The following CEP290 variants were observed in gnomAD, a reference collection of about 807,000 sequenced individuals.
CEP290 encodes centrosomal protein of 290 kDa.
A neutral mutation model predicts 344.9 loss-of-function variants in CEP290; 317 were observed. The ratio of observed to expected loss-of-function variants is 0.92; its 90% CI spans 0.84 to 1.01. CEP290 has a LOEUF of 1.01. CEP290 is among the 50% of genes least tolerant of loss of function. The pLI is 0.00. For missense variants in CEP290, 2,754 were observed against 2,761.4 expected (o/e 1.00, Z 0.06); for synonymous variants, 932 against 895.8 (o/e 1.04, Z -0.72).
intron 35 of CEP290, 70 bp from the exon 36 acceptor site, chr12:88,084,024 T>C: frequency 1.0e-6 from 1 of 956,758 alleles, no homozygotes; most frequent in Non-Finnish European, 1.6e-6. Flanking sequence ...GAAGACCTTA[T>C]ATATTTTCTC....
intron 52 of CEP290, among the ~76,000 whole-genome samples, chr12:88,053,157 T>C (rs2033703598): frequency 6.6e-6 from 1 of 152,174 alleles, no homozygotes; most frequent in African/African-American, 2.4e-5. Context: ...ATGTGTGATA[T>C]ATATGTATAC....
rs1280602204 is a variant in CEP290 at position 88,090,833 on chromosome 12, T to A, written c.3468A>T (p.Arg1156Ser). ...MELKVEVSKLREISDIARRQV... is the reference protein window; with the variant it reads ...MELKVEVSKLSEISDIARRQV... The stretch of plus-strand genomic sequence containing the variant: ...GTCTTCTGGCAATATCAGAAATCTC[T>A]CTCAGTCTAGGAAATGATAAGGTAT... Residue 1156 changes from arginine (R) to serine (S), a missense_variant, in exon 30 of 54, where the codon AGA becomes AGT. Arg to Ser is a moderately radical substitution (Grantham distance 110, BLOSUM62 -1). Coordinates refer to ENST00000552810, the MANE Select transcript of CEP290 (RefSeq NM_025114.4). The A allele has an allele frequency of 1.3e-6, 2 of 1,544,082 alleles. No homozygotes were observed. The highest frequency in any genetic ancestry group is 3.9e-5 in the Admixed American group (2 of 51,182).
Position 88,049,179 on chromosome 12 carries a change from G to A in CEP290, c.*5C>T. ...GTTAAATGAAACAAAGTTTATAGGTGACCTTTAGTAAATGGGGAAATTAAC... is the reference window on the plus strand; with the variant it reads ...GTTAAATGAAACAAAGTTTATAGGTAACCTTTAGTAAATGGGGAAATTAAC... On this transcript the variant is annotated 3_prime_UTR_variant, in exon 54 of 54. Coordinates refer to ENST00000552810, the MANE Select transcript of CEP290 (RefSeq NM_025114.4). The A allele has an allele frequency of 6.5e-7, 1 of 1,532,834 alleles. No individual in the cohort carries two copies. Among genetic ancestry groups the A allele is most frequent in the Non-Finnish European group, 8.9e-7 (1 of 1,124,816 alleles). The allele number at this position is 1,532,834 out of a possible 1,614,324, so 95.0% of individuals were successfully genotyped here. A position where few individuals can be genotyped will look rare whatever the true frequency, so the allele number is the denominator to read the frequency against.
At position 88,071,278 on chromosome 12, in the gene CEP290, CCA is replaced by C. The variant is rs1565811649; in HGVS notation, c.6011+14_6011+15del. On this transcript the variant is annotated intron_variant, in intron 43 of 53. Transcript: ENST00000552810. Reference sequence around the variant, plus strand: ...TTTCATTACAATGGGTGGCACATTTCCACATAATAGCTTACCTCATATACAAT... The same window carrying C: ...TTTCATTACAATGGGTGGCACATTTCCATAATAGCTTACCTCATATACAAT... The C allele has an allele frequency of 2.5e-6, 4 of 1,589,062 alleles. No homozygotes were observed. The highest frequency in any genetic ancestry group is 3.4e-6 in the Non-Finnish European group (4 of 1,163,268).
In CEP290 at chr12:88,120,086, A is replaced by G. The variant is rs1482241037; in HGVS notation, c.1522+28T>C. The G allele has an allele frequency of 3.6e-6, 5 of 1,397,246 alleles. No individual in the cohort carries two copies. The Admixed American group carries it at 1.5e-4, about 42-fold the overall frequency. 86.6% of individuals were successfully genotyped at this position (1,397,246 alleles called of 1,614,324 possible). On this transcript the variant is annotated intron_variant, in intron 15 of 53. Coordinates refer to ENST00000552810, the MANE Select transcript of CEP290 (RefSeq NM_025114.4). Reference sequence around the variant, plus strand: ...AAAAGACTTGTAAATCAGGTTGCGCAAACTATGTAACTTAAAACATGGCTT... The same window carrying G: ...AAAAGACTTGTAAATCAGGTTGCGCGAACTATGTAACTTAAAACATGGCTT...
chr12:88,083,343 T>C (rs1280505984), intron 36 of CEP290, 113 bp from the exon 37 acceptor site: 2 of 585,338 alleles, frequency 3.4e-6, no homozygotes, highest in Admixed American at 4.2e-5. Flanking sequence ...ATCTAAAATG[T>C]AATGATTTAA....
chr12:88,068,591 A>C lies in CEP290; in HGVS notation c.6066T>G (p.Asn2022Lys), dbSNP rs775838235. 6.3e-7 allele frequency: 1 copy of C among 1,591,520 alleles called. No individual in the cohort carries two copies. Among genetic ancestry groups the C allele is most frequent in the Non-Finnish European group, 8.5e-7 (1 of 1,171,970 alleles). ...DSVVEDLHLQ[N>K]RYLQEKLHAL... ...CATGAAGTTTTTCTTGGAGGTATCT[A>C]TTTTGTAAATGTAAATCTTCTACAA... The change falls in exon 44 of 54, where the codon AAT becomes AAG. Residue 2022 changes from asparagine (N) to lysine (K), a missense_variant. By Grantham distance (94) the Asn-to-Lys change is moderately conservative. Coordinates refer to ENST00000552810, the MANE Select transcript of CEP290 (RefSeq NM_025114.4).
Position 88,118,583 on chromosome 12 carries a change from A to C in CEP290, c.1624-13T>G. On this transcript the variant is annotated splice_polypyrimidine_tract_variant and intron_variant, in intron 16 of 53. Coordinates refer to ENST00000552810, the MANE Select transcript of CEP290 (RefSeq NM_025114.4). ...CTAGACTTTCAATCTGCAAAGTATA[A>C]ATTATTAGTATTTCTCTATAGTTCA... 1.2e-6 allele frequency: 2 copies of C among 1,607,892 alleles called. No individual in the cohort carries two copies. The highest frequency in any genetic ancestry group is 1.7e-6 in the Non-Finnish European group (2 of 1,175,822).
chr12:88,116,065 G>A, intron 18 of CEP290: 3 of 985,156 alleles, frequency 3.0e-6, no homozygotes, highest in Non-Finnish European at 3.6e-6. Flanking sequence ...GCAGATTTTT[G>A]CCTAAGTGAT....
At chr12:88,125,218 TA>T in intron 13 of CEP290, 27 bp downstream of exon 13, 2 of 635,962 alleles carry the variant, frequency 3.1e-6, no homozygotes, top group Non-Finnish European at 4.8e-6. Flanking sequence ...TAATTGTATA[TA>T]AAATAACTAT....
intron 1 of CEP290, among the ~76,000 whole-genome samples, 166 bp from the exon 2 acceptor site, chr12:88,141,500 A>G (rs2040661201): frequency 7.1e-6 from 1 of 141,648 alleles, no homozygotes; most frequent in South Asian, 2.5e-4. Context: ...TTGATCAAAA[A>G]TAGCAGTCGG....
intron 34 of CEP290, among the ~76,000 whole-genome samples, chr12:88,085,459 TAC>T (rs554661065): frequency 3.3e-5 from 5 of 152,236 alleles, no homozygotes; most frequent in East Asian, 1.9e-4. Context: ...ATTAAAAATG[TAC>T]AGTTTTACTT....
At chr12:88,104,734 T>A (rs1049577396) in intron 25 of CEP290, among the ~76,000 whole-genome samples, 1 of 152,026 alleles carries the variant, frequency 6.6e-6, no homozygotes, top group Non-Finnish European at 1.5e-5. Flanking sequence ...AGACCTGAAA[T>A]AAAACTTTAA....
intron 23 of CEP290, among the ~76,000 whole-genome samples, chr12:88,108,075 C>T (rs559273854): frequency 6.6e-6 from 1 of 151,536 alleles, no homozygotes; most frequent in African/African-American, 2.4e-5. Context: ...ATGTTGTATA[C>T]CATAAATTCT....
rs772400263 is a variant in CEP290 at position 88,115,133 on chromosome 12, C to A, written c.1874G>T (p.Arg625Met). The stretch of plus-strand genomic sequence containing the variant: ...AAATTTGGCTATCACTGTCCTACTC[C>A]TTTCTAAATCTCTTTCTTTTTCAAT... ...ELIEKERDLE[R>M]SRTVIAKFQN... The change falls in exon 19 of 54, where the codon AGG (arginine) becomes ATG (methionine). Residue 625 changes from arginine to methionine, a missense_variant. Arg to Met is a moderately conservative substitution (Grantham distance 91). Transcript: ENST00000552810. 4.7e-6 allele frequency: 7 copies of A among 1,492,352 alleles called. No individual in the cohort carries two copies. In the East Asian group the frequency reaches 1.6e-4, roughly 34 times the overall value. The allele number at this position is 1,492,352 out of a possible 1,614,324, so 92.4% of individuals were successfully genotyped here. A position where few individuals can be genotyped will look rare whatever the true frequency, so the allele number is the denominator to read the frequency against.
chr12:88,141,111 A>G (rs1271834935), intron 2 of CEP290, 78 bp from the exon 3 acceptor site: 33 of 1,315,542 alleles, frequency 2.5e-5, no homozygotes, highest in Non-Finnish European at 3.4e-5. Context: ...GATTGTGACA[A>G]TTATAGTTGT....
intron 12 of CEP290, 70 bp from the exon 13 acceptor site, chr12:88,125,439 C>T (rs1016283184): frequency 1.4e-5 from 11 of 794,038 alleles, no homozygotes; most frequent in Non-Finnish European, 1.7e-5. Context: ...GAAAAAAGTA[C>T]GTCTGATTTT....
At chr12:88,085,911 T>G in intron 34 of CEP290, 128 bp downstream of exon 34, 5 of 849,670 alleles carry the variant, frequency 5.9e-6, no homozygotes, top group Non-Finnish European at 7.0e-6. Flanking sequence ...TATAGGAGAA[T>G]AGAAAAATAG....
chr12:88,094,004 C>T (rs2037247444), intron 27 of CEP290, 29 bp from the exon 28 acceptor site: 1 of 1,504,414 alleles, frequency 6.6e-7, no homozygotes, highest in Middle Eastern at 1.8e-4. Flanking sequence ...AAGTCAATCT[C>T]ATGCTGTTTA....
Sources: gnomAD v4.1 joint callset for allele counts (sites outside exome capture counted in the v4.1 genomes callset) on GRCh38, gnomAD v4.1.1 for gene constraint, MANE v1.5 for transcripts, NCBI Gene and HGNC (gene_info 2026-07-23, HGNC 2026-07-21) for gene names.